LNX1: variants seen among roughly 807,000 people sequenced by gnomAD.
LNX1 encodes the protein ligand of numb-protein X 1, also known as E3 ubiquitin-protein ligase LNX.
Under a neutral mutation model 68.4 loss-of-function variants are expected in LNX1, and 54 were observed. The ratio of observed to expected loss-of-function variants is 0.79; its 90% CI spans 0.63 to 0.99. The LOEUF is 0.99. Ranked by LOEUF, LNX1 falls within the 50% of genes least tolerant of loss-of-function variation. The probability of loss-of-function intolerance (pLI) is 0.00; values close to 1 mark genes in which losing one functional copy is unlikely to be tolerated. For synonymous variants in LNX1, 336 were observed against 350.0 expected, an observed-to-expected ratio of 0.96 and a Z score of 0.45; for missense variants, 906 against 926.4, an observed-to-expected ratio of 0.98 and a Z score of 0.29.
At chr4:53,521,359 C>T (rs1320953631) in intron 2 of LNX1, among the ~76,000 whole-genome samples, 3 of 152,118 alleles carry the variant, frequency 2.0e-5, no homozygotes, top group East Asian at 1.9e-4. Context: ...ACATTTCCTC[C>T]GTTCCTCAAA....
At chr4:53,472,927 C>T (rs12499401) in intron 9 of LNX1, among the ~76,000 whole-genome samples, 123,552 of 152,024 alleles carry the variant, frequency 0.81, 50,345 homozygotes, top group Non-Finnish European at 0.85. Flanking sequence ...AAGAGAATAA[C>T]TGAGTTTGCT....
chr4:53,567,355 T>C (rs1380430555), intron 2 of LNX1, among the ~76,000 whole-genome samples: 22 of 148,246 alleles, frequency 1.5e-4, no homozygotes, highest in African/African-American at 5.4e-4. Context: ...TCAAAACCAC[T>C]CAACTACATG....
chr4:53,517,760 G>A (rs1331161673), intron 2 of LNX1, among the ~76,000 whole-genome samples: 3 of 150,138 alleles, frequency 2.0e-5, no homozygotes, highest in African/African-American at 7.4e-5. Context: ...TGCTCACATA[G>A]CTACCAGAAA....
At chr4:53,463,416 G>T (rs1286917610) in intron 9 of LNX1, among the ~76,000 whole-genome samples, 1 of 151,936 alleles carries the variant, frequency 6.6e-6, no homozygotes, top group Admixed American at 6.6e-5. Flanking sequence ...CTTTATTGCC[G>T]CAGCGAGAAC....
chr4:53,597,751 A>G (rs1290434142), intron 2 of LNX1, among the ~76,000 whole-genome samples: 6 of 152,056 alleles, frequency 3.9e-5, no homozygotes, highest in Non-Finnish European at 7.4e-5. Flanking sequence ...CAATTTAGCC[A>G]TTGTCATTTC....
rs377377111 is a variant in LNX1, at chr4:53,573,964, C to T, written c.39G>A (p.Leu13=). Residue 13 remains leucine (L), a synonymous_variant, in exon 2 of 11, where the codon CTG becomes CTA. Coordinates refer to ENST00000263925, the MANE Select transcript of LNX1 (RefSeq NM_001126328.3). Reference sequence around the variant, plus strand: ...AGTGGGCTTGGCCACACACTGCACACAGGGGTTCAGGATCGTTGGCAGACT... The same window carrying T: ...AGTGGGCTTGGCCACACACTGCACATAGGGGTTCAGGATCGTTGGCAGACT... ...QPESANDPEP[L]CAVCGQAHSL... is the part of the protein sequence containing the mutation. The T allele has an allele frequency of 3.8e-5, 62 of 1,613,538 alleles. No individual in the cohort carries two copies. In the African/African-American group the frequency reaches 7.7e-4, roughly 20 times the overall value.
Position 53,573,990 on chromosome 4 carries a change from C to T in LNX1, c.13G>A (p.Glu5Lys), listed in dbSNP as rs756157034. The change falls in exon 2 of 11, where the codon GAG (glutamate) becomes AAG (lysine). Residue 5 changes from glutamate to lysine, a missense_variant. Glu to Lys is a moderately conservative substitution (Grantham distance 56). Transcript: ENST00000263925. MNQPESANDPEPLCA... is the reference protein window; with the variant it reads MNQPKSANDPEPLCA... ...AGGGGTTCAGGATCGTTGGCAGACT[C>T]TGGCTGGTTCATGATGGATTGGAGA... is the stretch of plus-strand genomic sequence containing the variant. The T allele has an allele frequency of 6.2e-7, 1 of 1,610,796 alleles. No homozygotes were observed. The highest frequency in any genetic ancestry group is 2.2e-5 in the East Asian group (1 of 44,850).
At chr4:53,599,304 A>G (rs1339602749) in intron 2 of LNX1, among the ~76,000 whole-genome samples, 2 of 152,190 alleles carry the variant, frequency 1.3e-5, no homozygotes, top group African/African-American at 2.4e-5. Context: ...ACCAAAACCA[A>G]GATGGCTATG....
chr4:53,507,428 T>A lies in LNX1; in HGVS notation c.664A>T (p.Lys222Ter). 6.2e-7 allele frequency: 1 copy of A among 1,614,200 alleles called. No individual in the cohort carries two copies. Among genetic ancestry groups the A allele is most frequent in the Non-Finnish European group, 8.5e-7 (1 of 1,180,030 alleles). The change falls in exon 4 of 11, where the codon AAA becomes TAA. Residue 222 changes from lysine to a stop codon, truncating the protein, a stop_gained. Transcript: ENST00000263925. LOFTEE classifies it high-confidence loss of function. ...ACACTCAAAGCTCGATTTATTTTTT[T>A]AAATGATCTGCTTCTAATAGTGGAT... ...ERSTIRSRSF[K>*]KINRALSVLR... is the part of the protein sequence containing the mutation.
intron 2 of LNX1, among the ~76,000 whole-genome samples, chr4:53,548,944 T>C (rs748209540): frequency 1.2e-4 from 18 of 152,150 alleles, no homozygotes; most frequent in Non-Finnish European, 1.9e-4. Flanking sequence ...AAATGCTGCA[T>C]ATCTAAGTGG....
At chr4:53,566,045 G>T (rs533311994) in intron 2 of LNX1, among the ~76,000 whole-genome samples, 1 of 150,964 alleles carries the variant, frequency 6.6e-6, no homozygotes, top group Admixed American at 6.6e-5. Context: ...AAGTGATGGG[G>T]AGAATGGAAC....
intron 1 of LNX1, among the ~76,000 whole-genome samples, chr4:53,643,428 G>A (rs903717185): frequency 6.6e-5 from 10 of 151,998 alleles, no homozygotes; most frequent in African/African-American, 2.4e-4. Flanking sequence ...GGGATTACAG[G>A]GCTGAGACAC....
chr4:53,553,949 C>T (rs1449604486), intron 2 of LNX1, among the ~76,000 whole-genome samples: 1 of 152,196 alleles, frequency 6.6e-6, no homozygotes, highest in Non-Finnish European at 1.5e-5. Context: ...GCATGTGGTT[C>T]GGAGTTCCAA....
At chr4:53,539,729 C>G (rs1353341099) in intron 2 of LNX1, among the ~76,000 whole-genome samples, 2 of 152,220 alleles carry the variant, frequency 1.3e-5, no homozygotes, top group African/African-American at 4.8e-5. Flanking sequence ...TATGTATACA[C>G]AAGTCTCTAA....
At chr4:53,642,223 TAA>T (rs745476837) in intron 1 of LNX1, among the ~76,000 whole-genome samples, 2,463 of 96,192 alleles carry the variant, frequency 0.026, 82 homozygotes, top group African/African-American at 0.086. Flanking sequence ...AATCCTATCT[TAA>T]AAAAAAAAAA....
intron 4 of LNX1, among the ~76,000 whole-genome samples, chr4:53,501,310 G>GGGA (rs1553932776): frequency 1.0e-5 from 1 of 95,906 alleles, no homozygotes. Context: ...GGGGGTGGGG[G>GGGA]GACAGGATCT....
chr4:53,584,651 G>A (rs1449450203), intron 1 of LNX1, among the ~76,000 whole-genome samples: 1 of 152,178 alleles, frequency 6.6e-6, no homozygotes. Flanking sequence ...ATCTCTTGAT[G>A]TGACCCATAT....
At chr4:53,524,772 C>G (rs1419462307) in intron 2 of LNX1, among the ~76,000 whole-genome samples, 1 of 152,170 alleles carries the variant, frequency 6.6e-6, no homozygotes, top group Non-Finnish European at 1.5e-5. Context: ...ATTGAAGGAA[C>G]TGAGGAATTT....
chr4:53,592,925 GAGCT>G (rs1198662141), upstream of LNX1: 1 of 152,112 alleles, frequency 6.6e-6, no homozygotes, highest in East Asian at 1.9e-4. Context: ...GACCTCAGGG[GAGCT>G]GGCTCCTGTC....
Sources: gnomAD v4.1 joint callset for allele counts (sites outside exome capture counted in the v4.1 genomes callset) on GRCh38, gnomAD v4.1.1 for gene constraint, MANE v1.5 for transcripts, NCBI Gene and HGNC (gene_info 2026-07-23, HGNC 2026-07-21) for gene names.